ELP4: variants seen among roughly 807,000 people sequenced by gnomAD.
ELP4 encodes the protein elongator acetyltransferase complex subunit 4.
Under a neutral mutation model 48.9 loss-of-function variants are expected in ELP4, and 51 were observed. The observed-to-expected ratio is 1.04, with a 90% CI of 0.83 to 1.32. The LOEUF is 1.32. ELP4 is among the 40% of genes most tolerant of loss of function. ELP4 has a pLI of 0.00. For synonymous variants in ELP4, 210 were observed against 189.2 expected (o/e 1.11, Z -0.90); for missense variants, 519 against 514.6 (o/e 1.01, Z -0.08).
At chr11:31,627,259 G>GA (rs929860836) in intron 6 of ELP4, 65 bp downstream of exon 6, 7 of 240,332 alleles carry the variant, frequency 2.9e-5, no homozygotes, top group African/African-American at 1.3e-4. Context: ...TTCTCTGGGG[G>GA]GGGGGGCGGG....
At chr11:31,768,614 T>C (rs955717295) in intron 9 of ELP4, among the ~76,000 whole-genome samples, 3 of 152,250 alleles carry the variant, frequency 2.0e-5, no homozygotes, top group Non-Finnish European at 4.4e-5. Flanking sequence ...TGTTATTTTC[T>C]TTGTATTCAC....
intron 2 of ELP4, among the ~76,000 whole-genome samples, chr11:31,530,537 G>A (rs1956377981): frequency 6.6e-6 from 1 of 151,972 alleles, no homozygotes. Context: ...CAACAAATTA[G>A]ACAATTATAA....
chr11:31,618,367 G>A (rs547701570), intron 5 of ELP4, among the ~76,000 whole-genome samples: 2 of 152,052 alleles, frequency 1.3e-5, no homozygotes, highest in African/African-American at 2.4e-5. Context: ...TAAGGACCGA[G>A]TCTCCACTTC....
intron 3 of ELP4, among the ~76,000 whole-genome samples, chr11:31,562,440 G>A (rs1011124014): frequency 6.6e-6 from 1 of 152,074 alleles, no homozygotes; most frequent in Non-Finnish European, 1.5e-5. Flanking sequence ...ACATGTTAAA[G>A]AGAAATGTGA....
At chr11:31,763,389 G>A in intron 9 of ELP4, 1 of 1,569,022 alleles carries the variant, frequency 6.4e-7, no homozygotes, top group South Asian at 1.2e-5. Flanking sequence ...CTAACAAGTT[G>A]TGTCTCTTTT....
intron 9 of ELP4, among the ~76,000 whole-genome samples, chr11:31,721,923 A>C (rs1172139214): frequency 6.6e-6 from 1 of 152,090 alleles, no homozygotes; most frequent in African/African-American, 2.4e-5. Flanking sequence ...CACCTTTACT[A>C]CTTACTCCCT....
In ELP4 at chr11:31,632,309, C is replaced by T. The variant is rs746238401; in HGVS notation, c.831C>T (p.Asn277=). The change falls in exon 7 of 10, where the codon AAC becomes AAT. Residue 277 remains asparagine (N), a synonymous_variant. Transcript: ENST00000640961. ...DDICCAENGG[N]SHSLTKFLYV... ...TTTGCTGTGCAGAAAATGGTGGCAACAGTCACAGCCTTACCAAGTTCCTCT... is the reference window on the plus strand; with the variant it reads ...TTTGCTGTGCAGAAAATGGTGGCAATAGTCACAGCCTTACCAAGTTCCTCT... 2 of 1,613,268 alleles carry T rather than the reference C, an allele frequency of 1.2e-6. No individual in the cohort carries two copies. The highest frequency in any genetic ancestry group is 1.1e-5 in the South Asian group (1 of 91,006).
intron 5 of ELP4, among the ~76,000 whole-genome samples, chr11:31,611,910 T>C (rs536895656): frequency 1.6e-4 from 25 of 152,338 alleles, no homozygotes; most frequent in Non-Finnish European, 3.2e-4. Context: ...TCAAAGTCTT[T>C]CTAAGTGGAA....
chr11:31,584,313 A>T (rs914734656), intron 3 of ELP4, among the ~76,000 whole-genome samples: 26 of 152,132 alleles, frequency 1.7e-4, no homozygotes, highest in African/African-American at 6.3e-4. Context: ...GAATATCAAA[A>T]TCTGGAAACC....
intron 9 of ELP4, among the ~76,000 whole-genome samples, chr11:31,710,102 T>C (rs1946709552): frequency 6.6e-6 from 1 of 152,156 alleles, no homozygotes; most frequent in Non-Finnish European, 1.5e-5. Flanking sequence ...ATTCTTTGCA[T>C]CTCCAGCACC....
At chr11:31,628,112 CTT>C (rs1944785264) in intron 6 of ELP4, 1 of 151,902 alleles carries the variant, frequency 6.6e-6, no homozygotes, top group Non-Finnish European at 1.5e-5. Context: ...TTATAGGTGA[CTT>C]TTCATGTATG....
At chr11:31,545,989 A>G (rs1307875633) in intron 3 of ELP4, among the ~76,000 whole-genome samples, 1 of 152,124 alleles carries the variant, frequency 6.6e-6, no homozygotes, top group Non-Finnish European at 1.5e-5. Flanking sequence ...AGGAAGCACT[A>G]AACATGGAAA....
intron 2 of ELP4, among the ~76,000 whole-genome samples, chr11:31,531,728 C>T (rs1044418391): frequency 6.6e-6 from 1 of 152,048 alleles, no homozygotes; most frequent in Admixed American, 6.6e-5. Flanking sequence ...CGACTGAGAG[C>T]AATGAAAAGC....
intron 9 of ELP4, among the ~76,000 whole-genome samples, chr11:31,697,980 AG>A (rs1437076484): frequency 2.6e-5 from 4 of 152,120 alleles, no homozygotes; most frequent in African/African-American, 9.7e-5. Flanking sequence ...GGATTTTTTA[AG>A]GAAAATAATA....
At chr11:31,544,697 C>A (rs1956665986) in intron 3 of ELP4, among the ~76,000 whole-genome samples, 1 of 152,228 alleles carries the variant, frequency 6.6e-6, no homozygotes, top group South Asian at 2.1e-4. Context: ...CAGACTGCCT[C>A]CTCAAGTGGG....
At chr11:31,692,984 G>C (rs1048676555) in intron 9 of ELP4, among the ~76,000 whole-genome samples, 1 of 151,804 alleles carries the variant, frequency 6.6e-6, no homozygotes, top group Non-Finnish European at 1.5e-5. Context: ...ACTCAATTCC[G>C]TAAATAGAGA....
intron 9 of ELP4, chr11:31,652,976 TTTA>T (rs1282803312): frequency 1.3e-5 from 2 of 151,660 alleles, no homozygotes; most frequent in Non-Finnish European, 3.0e-5. Flanking sequence ...TGATTATCTT[TTTA>T]CTAGCAGCTA....
chr11:31,677,987 CCT>C (rs1412364508), intron 9 of ELP4, among the ~76,000 whole-genome samples: 6 of 152,226 alleles, frequency 3.9e-5, no homozygotes, highest in Non-Finnish European at 5.9e-5. Flanking sequence ...CTAAAAATCC[CCT>C]GTTCTCTACC....
In ELP4 at chr11:31,787,747, G is replaced by T. The variant is rs966076997; in HGVS notation, c.*4223G>T. On this transcript the variant is annotated 3_prime_UTR_variant, in exon 10 of 10. Transcript: ENST00000640961. ...CTCCAAATGTGCAGCAACTCTGGTGGAATAAAATTATTAGTATATTTCATG... is the reference window on the plus strand; with the variant it reads ...CTCCAAATGTGCAGCAACTCTGGTGTAATAAAATTATTAGTATATTTCATG... 4.4e-6 allele frequency: 1 copy of T among 228,968 alleles called. No individual in the cohort carries two copies. Among genetic ancestry groups the T allele is most frequent in the Non-Finnish European group, 8.7e-6 (1 of 115,434 alleles). The allele number at this position is 228,968 out of a possible 1,614,324, so 14.2% of individuals were successfully genotyped here. A position where few individuals can be genotyped will look rare whatever the true frequency, so the allele number is the denominator to read the frequency against.
Sources: allele counts gnomAD v4.1 joint callset (sites outside exome capture counted in the v4.1 genomes callset), GRCh38; gene constraint gnomAD v4.1.1; transcripts MANE v1.5; gene names NCBI Gene and HGNC (gene_info 2026-07-23, HGNC 2026-07-21).